PCBP3: variants seen among roughly 807,000 people sequenced by gnomAD.
PCBP3 encodes the protein poly(rC)-binding protein 3.
PCBP3 carries 25 observed loss-of-function variants against 52.7 expected under a neutral mutation model. The observed-to-expected ratio is 0.47, with a 90% CI of 0.35 to 0.66. The LOEUF (loss-of-function observed/expected upper bound fraction) is 0.66. Ranked by LOEUF, PCBP3 falls within the 30% of genes least tolerant of loss-of-function variation. PCBP3 has a pLI of 0.01. For missense variants in PCBP3, 391 were observed against 490.3 expected (o/e 0.80, Z 1.91); for synonymous variants, 162 against 183.0 (o/e 0.89, Z 0.93).
At chr21:45,936,501 C>A (rs951775470) in intron 16 of PCBP3, among the ~76,000 whole-genome samples, 1 of 152,260 alleles carries the variant, frequency 6.6e-6, no homozygotes, top group African/African-American at 2.4e-5. Flanking sequence ...TGAAAGGCAG[C>A]AGCACAGAGC....
At chr21:45,760,965 T>C (rs2088585557) in intron 4 of PCBP3, 1 of 151,950 alleles carries the variant, frequency 6.6e-6, no homozygotes, top group Non-Finnish European at 1.5e-5. Flanking sequence ...CGGGTGCCTG[T>C]AATCCCAGTT....
chr21:45,934,991 G>A (rs547303737), intron 15 of PCBP3, among the ~76,000 whole-genome samples: 224 of 152,332 alleles, frequency 1.5e-3, no homozygotes, highest in African/African-American at 4.9e-3. Flanking sequence ...GTGAAGTCAC[G>A]CTGTGCACAA....
chr21:45,836,274 C>T (rs1001401943), intron 4 of PCBP3: 2 of 152,492 alleles, frequency 1.3e-5, no homozygotes, highest in East Asian at 1.9e-4. Flanking sequence ...CCTGACTCTC[C>T]CCAGTCCTTA....
At chr21:45,691,480 A>C (rs2082477503) in intron 2 of PCBP3, among the ~76,000 whole-genome samples, 1 of 147,870 alleles carries the variant, frequency 6.8e-6, no homozygotes, top group Admixed American at 6.7e-5. Flanking sequence ...GTGTGTGTAT[A>C]TACATCACAA....
chr21:45,691,540 A>G (rs1020551265), intron 2 of PCBP3, among the ~76,000 whole-genome samples: 5 of 151,158 alleles, frequency 3.3e-5, no homozygotes, highest in African/African-American at 9.7e-5. Flanking sequence ...TACATAAATT[A>G]AACAGAGAGA....
Position 45,652,598 on chromosome 21 carries a change from C to T in PCBP3, c.-279+8730C>T, listed in dbSNP as rs376405926. ...CTGGGATTACAGGCACGTTCCACCA[C>T]GCCTGGCTAATTTTTGTATTTTTTA... On this transcript the variant is annotated intron_variant, in intron 1 of 17. Transcript: ENST00000681687. Among the ~76,000 whole-genome samples, 30 of 152,148 alleles carry T rather than the reference C, an allele frequency of 2.0e-4. No homozygotes were observed. In the East Asian group the frequency reaches 3.9e-3, roughly 20 times the overall value.
At chr21:45,747,241 C>T (rs1302705152) in intron 3 of PCBP3, among the ~76,000 whole-genome samples, 1 of 152,198 alleles carries the variant, frequency 6.6e-6, no homozygotes, top group African/African-American at 2.4e-5. Context: ...TTATTCACTA[C>T]CATGAGAACA....
intron 4 of PCBP3, among the ~76,000 whole-genome samples, chr21:45,799,915 C>T (rs1325341595): frequency 6.6e-5 from 10 of 152,212 alleles, no homozygotes; most frequent in African/African-American, 7.2e-5. Context: ...GGCCTTGATG[C>T]GGGCAGAGGC....
rs553198997 is a variant in PCBP3, at chr21:45,827,471, C to G, written c.-125-22490C>G. On this transcript the variant is annotated intron_variant, in intron 4 of 17. Coordinates refer to ENST00000681687, the MANE Select transcript of PCBP3 (RefSeq NM_001384156.1). This position sits in a 1 kb window ranked among gnomAD's most constrained non-coding sequence, Gnocchi z 4.3. ...ACCAACACCCAGATGACATGGGCAC[C>G]GAAGTTACCCAACAGGGCTTTTAAA... is the stretch of plus-strand genomic sequence containing the variant. Among the ~76,000 whole-genome samples, 1 of 151,990 alleles carries G rather than the reference C, an allele frequency of 6.6e-6. No homozygotes were observed. Among genetic ancestry groups the G allele is most frequent in the Non-Finnish European group, 1.5e-5 (1 of 68,008 alleles).
intron 2 of PCBP3, among the ~76,000 whole-genome samples, chr21:45,682,142 G>A (rs550448528): frequency 1.3e-5 from 2 of 152,212 alleles, no homozygotes; most frequent in South Asian, 2.1e-4. Context: ...GTCTTGCTAG[G>A]CTGTCCCTTT....
chr21:45,819,571 T>C (rs2093066598), intron 4 of PCBP3, among the ~76,000 whole-genome samples: 1 of 152,214 alleles, frequency 6.6e-6, no homozygotes, highest in South Asian at 2.1e-4. Flanking sequence ...ATCTGGTTTC[T>C]AGAGTGGAAA....
intron 2 of PCBP3, among the ~76,000 whole-genome samples, chr21:45,685,818 T>C (rs574926286): frequency 1.9e-4 from 29 of 152,170 alleles, no homozygotes; most frequent in Admixed American, 9.2e-4. Flanking sequence ...CTTCAGTCTG[T>C]TGCCAAACAC....
chr21:45,717,086 CTAAG>C (rs2084273454), intron 2 of PCBP3, among the ~76,000 whole-genome samples: 1 of 151,668 alleles, frequency 6.6e-6, no homozygotes, highest in South Asian at 2.1e-4. Context: ...AAATCTATTC[CTAAG>C]TTTTTTATTA....
intron 4 of PCBP3, among the ~76,000 whole-genome samples, chr21:45,822,316 T>G (rs2093164790): frequency 6.6e-6 from 1 of 152,198 alleles, no homozygotes; most frequent in Admixed American, 6.5e-5. Flanking sequence ...CTTTTGCCTT[T>G]TCTGGGGCCT....
chr21:45,926,489 G>A (rs557055687), intron 13 of PCBP3, among the ~76,000 whole-genome samples: 6 of 152,304 alleles, frequency 3.9e-5, no homozygotes, highest in East Asian at 1.9e-4. Flanking sequence ...TGTGATCATC[G>A]GAGATGACTA....
chr21:45,719,047 C>T (rs1480315132), intron 2 of PCBP3, among the ~76,000 whole-genome samples: 2 of 152,018 alleles, frequency 1.3e-5, no homozygotes, highest in Admixed American at 6.6e-5. Flanking sequence ...AATCTAGAGC[C>T]CAGCTAATGG....
At chr21:45,892,480 G>GCGTGGGGGGC (rs2095698310) in intron 5 of PCBP3, among the ~76,000 whole-genome samples, 1 of 54,134 alleles carries the variant, frequency 1.8e-5, no homozygotes, top group African/African-American at 1.7e-4. Context: ...TGGGGGGGGG[G>GCGTGGGGGGC]GCGGTCCCGT....
intron 4 of PCBP3, among the ~76,000 whole-genome samples, chr21:45,794,114 A>G (rs896622286): frequency 6.6e-6 from 1 of 152,232 alleles, no homozygotes; most frequent in Non-Finnish European, 1.5e-5. Flanking sequence ...GAAAAATGAA[A>G]GCTTACTAAA....
chr21:45,811,708 A>G (rs936802731), intron 4 of PCBP3, among the ~76,000 whole-genome samples: 7 of 152,068 alleles, frequency 4.6e-5, no homozygotes, highest in African/African-American at 1.7e-4. Flanking sequence ...TGCATGCCAT[A>G]TTTTTTCTCA....
Sources: allele counts gnomAD v4.1 joint callset (sites outside exome capture counted in the v4.1 genomes callset), GRCh38; gene constraint gnomAD v4.1.1; non-coding constraint Gnocchi (gnomAD v3.1); transcripts MANE v1.5; gene names NCBI Gene and HGNC (gene_info 2026-07-23, HGNC 2026-07-21).